The following RPL8 variants were observed in gnomAD, a reference collection of about 807,000 sequenced individuals.
The protein encoded by RPL8 is large ribosomal subunit protein uL2.
For missense variants in RPL8, 248 were observed against 365.9 expected (o/e 0.68, Z 2.63); for synonymous variants, 182 against 143.2 (o/e 1.27, Z -1.94).
intron 3 of RPL8, 100 bp downstream of exon 3, chr8:144,791,177 A>G: frequency 8.6e-7 from 1 of 1,164,152 alleles, no homozygotes; most frequent in Non-Finnish European, 1.3e-6. Flanking sequence ...AACAACAGGT[A>G]ATCGAATTCC....
chr8:144,790,025 G>C (rs1274568942), intron 4 of RPL8, 63 bp from the exon 5 acceptor site: 6 of 1,509,676 alleles, frequency 4.0e-6, no homozygotes, highest in African/African-American at 1.4e-5. Context: ...CCGGCCTCGG[G>C]GTCCCACCCG....
rs1281976137 is a variant in RPL8 at position 144,790,448 on chromosome 8, T to G, written c.522A>C (p.Arg174=). 1 of 1,613,690 alleles carries G rather than the reference T, an allele frequency of 6.2e-7. No individual in the cohort carries two copies. Residue 174 remains arginine, a synonymous_variant, in exon 4 of 5, where the codon CGA becomes CGC. Transcript: ENST00000528957. ...CAGCCTTCAAGATGGGTTTGTCAATTCGGCCACCTCCAGCCACCACACCTG... is the reference window on the plus strand; with the variant it reads ...CAGCCTTCAAGATGGGTTTGTCAATGCGGCCACCTCCAGCCACCACACCTG... ...AVVGVVAGGG[R]IDKPILKAGR... is the part of the protein sequence containing the mutation.
At chr8:144,790,218 T>G in intron 4 of RPL8, 137 bp downstream of exon 4, 2 of 792,936 alleles carry the variant, frequency 2.5e-6, no homozygotes, top group South Asian at 1.7e-5. Flanking sequence ...AACAGTCCCG[T>G]GACTACAAAC....
At position 144,791,338 on chromosome 8, in the gene RPL8, G is replaced by A. The variant is rs1826506117; in HGVS notation, c.438C>T (p.Thr146=). The A allele has an allele frequency of 2.5e-6, 4 of 1,613,246 alleles. No homozygotes were observed. Among genetic ancestry groups the A allele is most frequent in the Non-Finnish European group, 3.4e-6 (4 of 1,179,986 alleles). Residue 146 remains threonine (T), a synonymous_variant, in exon 3 of 5, where the codon ACC becomes ACT. Transcript: ENST00000528957. ...VISHNPETKK[T]RVKLPSGSKK... The stretch of plus-strand genomic sequence containing the variant: ...TGGAGCCGGAGGGCAGCTTCACACG[G>A]GTCTTCTTGGTCTCAGGGTTGTGGG...
Position 144,791,366 on chromosome 8 carries a change from A to G in RPL8, c.410T>C (p.Ile137Thr), listed in dbSNP as rs1358212753. Residue 137 changes from isoleucine (I) to threonine (T), a missense_variant, in exon 3 of 5, where the codon ATC becomes ACC. Transcript: ENST00000528957. ...CTTCTTGGTCTCAGGGTTGTGGGAG[A>G]TAACGGTGGCATAGTTCCCTGATGC... Reference protein sequence around the residue: ...ARASGNYATVISHNPETKKTR... With the variant: ...ARASGNYATVTSHNPETKKTR... 16 of 1,613,640 alleles carry G rather than the reference A, an allele frequency of 9.9e-6. No individual in the cohort carries two copies. The highest frequency in any genetic ancestry group is 1.3e-5 in the African/African-American group (1 of 74,972).
intron 3 of RPL8, 59 bp from the exon 4 acceptor site, chr8:144,790,529 C>A: frequency 7.9e-7 from 1 of 1,272,796 alleles, no homozygotes; most frequent in East Asian, 2.3e-5. Context: ...CCCACCTCCC[C>A]TCAATCTCCT....
Position 144,792,022 on chromosome 8 carries a change from C to T in RPL8, c.108G>A (p.Glu36=). ...CGATGCCCTTGATGTAGCCGTGCCG[C>T]TCAGCGAAATCCACGGCGCGCAGGC... ...AARLRAVDFA[E]RHGYIKGIVK... Residue 36 remains glutamate (E), a synonymous_variant, in exon 1 of 5, where the codon GAG becomes GAA. Coordinates refer to ENST00000528957, the MANE Select transcript of RPL8 (RefSeq NM_001317782.2). 5 of 1,609,466 alleles carry T rather than the reference C, an allele frequency of 3.1e-6. No individual in the cohort carries two copies. Among genetic ancestry groups the T allele is most frequent in the Non-Finnish European group, 4.2e-6 (5 of 1,178,320 alleles).
Position 144,792,155 on chromosome 8 carries a change from C to A in RPL8, c.-26G>T. 1 of 1,467,468 alleles carries A rather than the reference C, an allele frequency of 6.8e-7. No homozygotes were observed. 90.9% of individuals were successfully genotyped at this position (1,467,468 alleles called of 1,614,324 possible). On this transcript the variant is annotated 5_prime_UTR_variant, in exon 1 of 5. Transcript: ENST00000528957. ...GGCGACGGGTCCTGGGGGCGACTCA[C>A]GATTAGCGCGGCCGGGCGGCCCGGG...
intron 4 of RPL8, 108 bp from the exon 5 acceptor site, chr8:144,790,070 G>A (rs1186542577): frequency 6.0e-6 from 8 of 1,326,176 alleles, no homozygotes; most frequent in Non-Finnish European, 8.1e-6. Flanking sequence ...CCTCTCCACA[G>A]CATGTGCCGC....
At chr8:144,791,661 C>G (rs945183402) in intron 2 of RPL8, 112 bp downstream of exon 2, 6 of 1,552,340 alleles carry the variant, frequency 3.9e-6, no homozygotes, top group Non-Finnish European at 5.3e-6. Flanking sequence ...GCGGATGTCC[C>G]CACCTGAAGC....
intron 2 of RPL8, 119 bp downstream of exon 2, chr8:144,791,654 G>C (rs113461437): frequency 1.3e-6 from 2 of 1,537,476 alleles, no homozygotes; most frequent in South Asian, 2.4e-5. Context: ...TGGCCACGCG[G>C]ATGTCCCCAC....
chr8:144,790,597 A>G, intron 3 of RPL8, 127 bp from the exon 4 acceptor site: 2 of 743,860 alleles, frequency 2.7e-6, no homozygotes, highest in Non-Finnish European at 2.4e-6. Context: ...ACTCGCCTCC[A>G]CCCTAGGGAG....
intron 2 of RPL8, 104 bp downstream of exon 2, chr8:144,791,669 A>T (rs1169228892): frequency 6.4e-7 from 1 of 1,566,118 alleles, no homozygotes; most frequent in African/African-American, 1.4e-5. Flanking sequence ...CCCCACCTGA[A>T]GCTTCTGCCT....
At chr8:144,790,105 C>T in intron 4 of RPL8, 143 bp from the exon 5 acceptor site, 1 of 1,093,122 alleles carries the variant, frequency 9.1e-7, no homozygotes, top group East Asian at 2.6e-5. Context: ...CAGGCTGACT[C>T]TTTCCAGCTC....
chr8:144,791,133 G>A (rs1265806468), intron 3 of RPL8, 144 bp downstream of exon 3: 15 of 722,456 alleles, frequency 2.1e-5, no homozygotes, highest in Non-Finnish European at 3.1e-5. Flanking sequence ...TGAGACTACA[G>A]GATGAGCTCA....
rs1826433797 is a variant in RPL8, at chr8:144,789,831, G to C, written c.747C>G (p.Thr249=). 1.2e-6 allele frequency: 2 copies of C among 1,613,352 alleles called. No homozygotes were observed. Among genetic ancestry groups the C allele is most frequent in the African/African-American group, 1.3e-5 (1 of 74,912 alleles). ...AARRTGRLRG[T]KTVQEKEN ...AGTTCTCTTTCTCCTGCACAGTCTT[G>C]GTTCCCCGGAGACGTCCAGTCCGGC... is the stretch of plus-strand genomic sequence containing the variant. Residue 249 remains threonine, a synonymous_variant, in exon 5 of 5, where the codon ACC becomes ACG. Transcript: ENST00000528957.
intron 4 of RPL8, 93 bp downstream of exon 4, chr8:144,790,262 C>T (rs1826453929): frequency 9.4e-7 from 1 of 1,065,504 alleles, no homozygotes; most frequent in South Asian, 1.4e-5. Context: ...GTAGATCCCC[C>T]TCCTGCAGGG....
Position 144,792,028 on chromosome 8 carries a change from G to A in RPL8, c.102C>T (p.Phe34=). 6.2e-7 allele frequency: 1 copy of A among 1,609,302 alleles called. No homozygotes were observed. Among genetic ancestry groups the A allele is most frequent in the South Asian group, 1.1e-5 (1 of 90,822 alleles). ...CCTTGATGTAGCCGTGCCGCTCAGC[G>A]AAATCCACGGCGCGCAGGCGCGCAG... ...KGAARLRAVD[F]AERHGYIKGI... is the part of the protein sequence containing the mutation. Residue 34 remains phenylalanine, a synonymous_variant, in exon 1 of 5, where the codon TTC becomes TTT. Coordinates refer to ENST00000528957, the MANE Select transcript of RPL8 (RefSeq NM_001317782.2).
chr8:144,791,447 C>G lies in RPL8; in HGVS notation c.329G>C (p.Gly110Ala). 1 of 1,613,938 alleles carries G rather than the reference C, an allele frequency of 6.2e-7. No individual in the cohort carries two copies. The highest frequency in any genetic ancestry group is 8.5e-7 in the Non-Finnish European group (1 of 1,180,022). The change falls in exon 3 of 5, where the codon GGT becomes GCT. Residue 110 changes from glycine to alanine, a missense_variant. Coordinates refer to ENST00000528957, the MANE Select transcript of RPL8 (RefSeq NM_001317782.2). ...NVLPVGTMPE[G>A]TIVCCLEEKP... is the part of the protein sequence containing the mutation. Reference sequence around the variant, plus strand: ...CTCCTCCAGGCAGCACACGATTGTACCCTCAGGCATGGTGCCCACAGGGAG... The same window carrying G: ...CTCCTCCAGGCAGCACACGATTGTAGCCTCAGGCATGGTGCCCACAGGGAG...
Sources: gnomAD v4.1 joint callset for allele counts on GRCh38, gnomAD v4.1.1 for gene constraint, MANE v1.5 for transcripts, NCBI Gene and HGNC (gene_info 2026-07-23, HGNC 2026-07-21) for gene names.